The following OSBPL9 variants were observed in gnomAD, a reference collection of about 807,000 sequenced individuals.
OSBPL9 encodes oxysterol-binding protein-related protein 9.
A neutral mutation model predicts 106.6 loss-of-function variants in OSBPL9; 40 were observed. The observed-to-expected ratio is 0.38, with a 90% CI of 0.29 to 0.49. OSBPL9 has a LOEUF of 0.49. Among genes scored for constraint, OSBPL9 ranks in the 20% least tolerant of loss-of-function variants. The probability of loss-of-function intolerance (pLI) is 0.97; values close to 1 mark genes in which losing one functional copy is unlikely to be tolerated. For synonymous variants in OSBPL9, 269 were observed against 295.4 expected, an observed-to-expected ratio of 0.91 and a Z score of 0.92; for missense variants, 609 against 887.2, an observed-to-expected ratio of 0.69 and a Z score of 3.98.
chr1:51,680,031 C>T (rs533551401), intron 3 of OSBPL9, among the ~76,000 whole-genome samples: 7 of 152,152 alleles, frequency 4.6e-5, no homozygotes, highest in African/African-American at 7.2e-5. Flanking sequence ...TGAATGTGTG[C>T]GTGTTATAAA....
intron 1 of OSBPL9, among the ~76,000 whole-genome samples, chr1:51,584,260 T>G (rs1241920446): frequency 6.6e-6 from 1 of 152,198 alleles, no homozygotes; most frequent in South Asian, 2.1e-4. Context: ...ACCTGACACT[T>G]GGCAGCTTGT....
intron 2 of OSBPL9, among the ~76,000 whole-genome samples, chr1:51,660,849 A>G (rs1301935949): frequency 6.6e-6 from 1 of 152,182 alleles, no homozygotes; most frequent in African/African-American, 2.4e-5. Context: ...GGCCCAGAAT[A>G]GGTATTTAAT....
intron 3 of OSBPL9, among the ~76,000 whole-genome samples, chr1:51,671,788 G>T (rs963869886): frequency 6.6e-6 from 1 of 152,090 alleles, no homozygotes; most frequent in Non-Finnish European, 1.5e-5. Context: ...CTGAGATGGT[G>T]CCTTTTTAGT....
the OSBPL9 span, among the ~76,000 whole-genome samples, chr1:51,524,395 T>C: frequency 6.6e-6 from 1 of 152,180 alleles, no homozygotes; most frequent in Admixed American, 6.5e-5. Flanking sequence ...TTGGTGACTT[T>C]GCAGAAGTGA....
intron 1 of OSBPL9, among the ~76,000 whole-genome samples, chr1:51,618,271 G>T (rs1217578715): frequency 2.0e-5 from 3 of 151,982 alleles, no homozygotes; most frequent in Non-Finnish European, 4.4e-5. Flanking sequence ...CACCCGCCTC[G>T]GCCTCCCAAA....
At chr1:51,611,226 T>C (rs1314374289) in intron 2 of OSBPL9, among the ~76,000 whole-genome samples, 4 of 151,626 alleles carry the variant, frequency 2.6e-5, no homozygotes, top group African/African-American at 9.7e-5. Flanking sequence ...TTTCTTGCTC[T>C]GTAGCTAGTG....
chr1:51,665,237 C>T lies in OSBPL9; in HGVS notation c.163-4197C>T, dbSNP rs140309506. ...TTGGTTCACGGCAACCTCCAGCTCC[C>T]GGCTTCAAGTGATTCTCCTGCCTCA... is the stretch of plus-strand genomic sequence containing the variant. On this transcript the variant is annotated intron_variant, in intron 2 of 23. Coordinates refer to ENST00000428468, the MANE Select transcript of OSBPL9 (RefSeq NM_024586.6). Among the ~76,000 whole-genome samples, 31 of 152,284 alleles carry T rather than the reference C, an allele frequency of 2.0e-4. No homozygotes were observed. The East Asian group carries it at 3.3e-3, about 16-fold the overall frequency.
chr1:51,592,252 C>A (rs1389836922), intron 1 of OSBPL9, among the ~76,000 whole-genome samples: 1 of 151,476 alleles, frequency 6.6e-6, no homozygotes, highest in Non-Finnish European at 1.5e-5. Context: ...GTAGCTGGGA[C>A]TACAGGCGCC....
the OSBPL9 span, among the ~76,000 whole-genome samples, chr1:51,548,148 GAT>G: frequency 3.9e-4 from 59 of 152,178 alleles, no homozygotes; most frequent in Non-Finnish European, 7.5e-4. Context: ...GTGTTCAAAA[GAT>G]GTGTCCTGGA....
chr1:51,723,651 A>G (rs936094685), intron 4 of OSBPL9, among the ~76,000 whole-genome samples: 2 of 151,868 alleles, frequency 1.3e-5, no homozygotes, highest in African/African-American at 4.8e-5. Flanking sequence ...GGCTCAAGTG[A>G]TCCTCCTGCG....
At chr1:51,523,623 A>G in the OSBPL9 span, among the ~76,000 whole-genome samples, 2 of 152,064 alleles carry the variant, frequency 1.3e-5, no homozygotes, top group Non-Finnish European at 2.9e-5. Flanking sequence ...ACCACCCAGG[A>G]AGACTTGTTA....
At chr1:51,743,924 C>T (rs1246525709) in intron 4 of OSBPL9, among the ~76,000 whole-genome samples, 1 of 152,026 alleles carries the variant, frequency 6.6e-6, no homozygotes, top group African/African-American at 2.4e-5. Context: ...GAAGTTTAAA[C>T]ACAGTTTTAT....
At chr1:51,643,518 A>G (rs1417253548) in intron 1 of OSBPL9, among the ~76,000 whole-genome samples, 1 of 152,160 alleles carries the variant, frequency 6.6e-6, no homozygotes, top group Non-Finnish European at 1.5e-5. Flanking sequence ...AGGGAACTGA[A>G]AGATGAGTGT....
At chr1:51,610,812 G>C (rs1159086614) in intron 2 of OSBPL9, among the ~76,000 whole-genome samples, 2 of 152,236 alleles carry the variant, frequency 1.3e-5, no homozygotes, top group Non-Finnish European at 2.9e-5. Context: ...CTGCGGCTTT[G>C]TGTTCCATGT....
At chr1:51,560,410 G>A in the OSBPL9 span, among the ~76,000 whole-genome samples, 1 of 152,210 alleles carries the variant, frequency 6.6e-6, no homozygotes, top group African/African-American at 2.4e-5. Flanking sequence ...GAAATAATAA[G>A]GGATAATAGT....
rs1646239555 is a variant in OSBPL9 at position 51,647,517 on chromosome 1, C to T, written c.112-4474C>T. On this transcript the variant is annotated intron_variant, in intron 1 of 23. Coordinates refer to ENST00000428468, the MANE Select transcript of OSBPL9 (RefSeq NM_024586.6). ...TTCTTTAAACATTTTATAGAACTCA[C>T]CATCTGGGCCTGCGCTTTTCTTTGT... 2.0e-5 allele frequency among the ~76,000 whole-genome samples: 3 copies of T among 152,094 alleles called. 1 individual carries two copies. Among genetic ancestry groups the T allele is most frequent in the Admixed American group, 2.0e-4 (3 of 15,258 alleles).
chr1:51,555,855 GC>G, the OSBPL9 span, among the ~76,000 whole-genome samples: 1 of 152,342 alleles, frequency 6.6e-6, no homozygotes, highest in East Asian at 1.9e-4. Context: ...ACAGGTGTAA[GC>G]CACTGCGCCC....
chr1:51,669,909 C>A, intron 3 of OSBPL9: 1 of 413,222 alleles, frequency 2.4e-6, no homozygotes, highest in Non-Finnish European at 4.8e-6. Context: ...CTGTGTAAAA[C>A]TCAAAATATA....
chr1:51,684,297 T>C (rs949509113), intron 3 of OSBPL9, among the ~76,000 whole-genome samples: 1 of 151,860 alleles, frequency 6.6e-6, no homozygotes, highest in African/African-American at 2.4e-5. Context: ...GTCCGAGCCA[T>C]GAAGAGATCT....
Sources: gnomAD v4.1 joint callset for allele counts (sites outside exome capture counted in the v4.1 genomes callset) on GRCh38, gnomAD v4.1.1 for gene constraint, MANE v1.5 for transcripts, NCBI Gene and HGNC (gene_info 2026-07-23, HGNC 2026-07-21) for gene names.